The following SGIP1 variants were observed in gnomAD, a reference collection of about 807,000 sequenced individuals.
The protein encoded by SGIP1 is SH3GL interacting endocytic adaptor 1, also known as SH3-containing GRB2-like protein 3-interacting protein 1.
SGIP1 carries 38 observed loss-of-function variants against 107.5 expected under a neutral mutation model. The ratio of observed to expected loss-of-function variants is 0.35; its 90% CI spans 0.27 to 0.46. The LOEUF (loss-of-function observed/expected upper bound fraction) is 0.46, where lower values mean the gene tolerates loss of function less well. Among genes scored for constraint, SGIP1 ranks in the 20% least tolerant of loss-of-function variants. SGIP1 has a pLI of 1.00. For missense variants in SGIP1, 929 were observed against 1,019.5 expected, an observed-to-expected ratio of 0.91 and a Z score of 1.21; for synonymous variants, 365 against 366.1, an observed-to-expected ratio of 1.00 and a Z score of 0.03.
chr1:66,669,515 C>A (rs181948853), intron 9 of SGIP1, among the ~76,000 whole-genome samples: 1 of 152,288 alleles, frequency 6.6e-6, no homozygotes, highest in African/African-American at 2.4e-5. Flanking sequence ...TAATGAAATT[C>A]TATCTGAGGG....
intron 1 of SGIP1, among the ~76,000 whole-genome samples, chr1:66,543,617 T>C (rs890370047): frequency 2.6e-5 from 4 of 152,152 alleles, no homozygotes; most frequent in African/African-American, 9.7e-5. Flanking sequence ...CCCAGGGTCA[T>C]TGTTCTACTG....
chr1:66,630,827 GAA>G (rs1558132723), intron 2 of SGIP1, among the ~76,000 whole-genome samples: 2 of 4,812 alleles, frequency 4.2e-4, no homozygotes, highest in Admixed American at 4.1e-3. Context: ...AAGAAAGAAA[GAA>G]AGAAAGAAAG....
chr1:66,570,862 C>G (rs2148597252), intron 1 of SGIP1, among the ~76,000 whole-genome samples: 1 of 151,850 alleles, frequency 6.6e-6, no homozygotes, highest in East Asian at 1.9e-4. Context: ...CTTTGCTATT[C>G]CTGTCTCAGG....
At chr1:66,540,090 C>T (rs541857327) in intron 1 of SGIP1, among the ~76,000 whole-genome samples, 2 of 152,116 alleles carry the variant, frequency 1.3e-5, no homozygotes, top group East Asian at 3.9e-4. Context: ...TTATTTTGGG[C>T]ATTATGATGG....
At position 66,631,620 on chromosome 1, in the gene SGIP1, G is replaced by A. The variant is rs1293291178; in HGVS notation, c.75-1450G>A. ...TGGGGAAAGGGAATCACACCTTGGA[G>A]TCCAGATGGCATCCTACCAACTCTC... On this transcript the variant is annotated intron_variant, in intron 2 of 24. Transcript: ENST00000371037. 2.6e-5 allele frequency among the ~76,000 whole-genome samples: 4 copies of A among 151,842 alleles called. 1 individual carries two copies. The highest frequency in any genetic ancestry group is 9.7e-5 in the African/African-American group (4 of 41,284).
chr1:66,612,047 G>C, intron 1 of SGIP1, among the ~76,000 whole-genome samples: 1 of 152,090 alleles, frequency 6.6e-6, no homozygotes. Context: ...TTTGGCTTTC[G>C]GTTCTGCAGG....
intron 5 of SGIP1, among the ~76,000 whole-genome samples, chr1:66,641,010 G>A (rs1180261471): frequency 6.6e-6 from 1 of 152,110 alleles, no homozygotes; most frequent in East Asian, 1.9e-4. Flanking sequence ...ACTCCAGCCT[G>A]AGCAACACAG....
intron 1 of SGIP1, among the ~76,000 whole-genome samples, chr1:66,602,462 G>A (rs563119280): frequency 6.6e-6 from 1 of 152,148 alleles, no homozygotes; most frequent in East Asian, 1.9e-4. Flanking sequence ...TCTGAACCCC[G>A]GGAACTTCTT....
At chr1:66,579,266 G>A (rs1450933389) in intron 1 of SGIP1, among the ~76,000 whole-genome samples, 2 of 152,114 alleles carry the variant, frequency 1.3e-5, no homozygotes, top group South Asian at 2.1e-4. Context: ...CATGTACTCA[G>A]CCTCACCAAT....
At chr1:66,716,149 A>C (rs1284767594) in intron 18 of SGIP1, among the ~76,000 whole-genome samples, 1 of 152,082 alleles carries the variant, frequency 6.6e-6, no homozygotes, top group Non-Finnish European at 1.5e-5. Flanking sequence ...ACCATGTGCC[A>C]TTTCTGAGCA....
rs372213464 is a variant in SGIP1 at position 66,576,106 on chromosome 1, T to C, written c.10+41738T>C. ...AGAATTCACAGTAATAAGATGCAGA[T>C]GGGACTTGGGATGGGTCCTTCTGGA... On this transcript the variant is annotated intron_variant, in intron 1 of 24. Transcript: ENST00000371037. 6.6e-5 allele frequency among the ~76,000 whole-genome samples: 10 copies of C among 152,356 alleles called. 1 individual carries two copies. In the East Asian group the frequency reaches 1.7e-3, roughly 26 times the overall value.
intron 15 of SGIP1, among the ~76,000 whole-genome samples, chr1:66,686,133 G>T (rs1052886245): frequency 1.3e-5 from 2 of 152,224 alleles, no homozygotes; most frequent in East Asian, 3.8e-4. Context: ...ACTTAGCTGT[G>T]GTCACAAAGC....
chr1:66,690,247 G>A lies in SGIP1; in HGVS notation c.1501G>A (p.Ala501Thr). Residue 501 changes from alanine (A) to threonine (T), a missense_variant, in exon 17 of 25, where the codon GCG becomes ACG. Physicochemically the swap from Ala to Thr is moderately conservative, Grantham distance 58. Around this residue, in one of 2 missense-constraint regions of SGIP1, gnomAD observed 341 missense variants for 430.9 expected, o/e 0.79. Coordinates refer to ENST00000371037, the MANE Select transcript of SGIP1 (RefSeq NM_032291.4). ...CAGCCCTCCTCCAATAGCACCCTTA[G>A]CGCGGGCTGAAAGCACTTCTTCAAT... The part of the protein sequence containing the change: ...SSSPPPIAPL[A>T]RAESTSSISS... 6.2e-7 allele frequency: 1 copy of A among 1,614,108 alleles called. No homozygotes were observed. The highest frequency in any genetic ancestry group is 2.2e-5 in the East Asian group (1 of 44,886).
Position 66,736,971 on chromosome 1 carries a change from G to A in SGIP1, c.2032-2364G>A, listed in dbSNP as rs572486153. Reference sequence around the variant, plus strand: ...CTCTTCAAACATTATGGATAATACTGAAAAAATATATAATATGGCATAAAT... The same window carrying A: ...CTCTTCAAACATTATGGATAATACTAAAAAAATATATAATATGGCATAAAT... On this transcript the variant is annotated intron_variant, in intron 21 of 24. Transcript: ENST00000371037. Among the ~76,000 whole-genome samples the A allele has an allele frequency of 2.9e-4, 44 of 152,002 alleles. 1 individual carries two copies. The highest frequency in any genetic ancestry group is 3.4e-3 in the Middle Eastern group (1 of 294).
intron 7 of SGIP1, among the ~76,000 whole-genome samples, chr1:66,657,180 A>T (rs536672839): frequency 1.3e-5 from 2 of 152,206 alleles, no homozygotes; most frequent in South Asian, 4.2e-4. Context: ...TATCTCTAAA[A>T]ATATATCATA....
intron 1 of SGIP1, among the ~76,000 whole-genome samples, chr1:66,588,105 CTGTT>C (rs2062925334): frequency 6.6e-6 from 1 of 152,118 alleles, no homozygotes; most frequent in Admixed American, 6.5e-5. Flanking sequence ...GAAGTATGCT[CTGTT>C]TGTTATTTAG....
At position 66,746,746 on chromosome 1, in the gene SGIP1, C is replaced by A. The variant is rs1375161872; in HGVS notation, c.*3651C>A. ...AGCTATTCTGACTGCAAAGGAAACG[C>A]CTTAATTGCTTTGTCCACCCTGAAC... On this transcript the variant is annotated 3_prime_UTR_variant, in exon 25 of 25. Transcript: ENST00000371037. 2 of 152,012 alleles carry A rather than the reference C, an allele frequency of 1.3e-5. No individual in the cohort carries two copies. The highest frequency in any genetic ancestry group is 2.9e-5 in the Non-Finnish European group (2 of 67,942). 9.4% of individuals were successfully genotyped at this position (152,012 alleles called of 1,614,324 possible).
chr1:66,665,389 G>A (rs974425624), intron 8 of SGIP1, among the ~76,000 whole-genome samples: 3 of 152,158 alleles, frequency 2.0e-5, no homozygotes. Context: ...CATTTGGATT[G>A]GTTCCAAGTC....
intron 18 of SGIP1, among the ~76,000 whole-genome samples, chr1:66,714,825 A>G (rs75226137): frequency 0.015 from 2,222 of 152,174 alleles, 21 homozygotes; most frequent in Non-Finnish European, 0.02. Flanking sequence ...ATATTATTTC[A>G]GTTATTAGAA....
Sources: gnomAD v4.1 joint callset for allele counts (sites outside exome capture counted in the v4.1 genomes callset) on GRCh38, gnomAD v4.1.1 for gene constraint, gnomAD v4.1.1 regional missense constraint, MANE v1.5 for transcripts, NCBI Gene and HGNC (gene_info 2026-07-23, HGNC 2026-07-21) for gene names.